Variants in THSD7A observed in about 807,000 individuals in gnomAD.
The protein encoded by THSD7A is thrombospondin type-1 domain-containing protein 7A.
Under a neutral mutation model 231.3 loss-of-function variants are expected in THSD7A, and 96 were observed. The observed-to-expected ratio is 0.41, with a 90% CI of 0.35 to 0.49. The LOEUF (loss-of-function observed/expected upper bound fraction) is 0.49. Ranked by LOEUF, THSD7A falls within the 20% of genes least tolerant of loss-of-function variation. THSD7A has a pLI of 0.05. For missense variants in THSD7A, 2,290 were observed against 2,070.2 expected (o/e 1.11, Z -2.06); for synonymous variants, 940 against 743.3 (o/e 1.26, Z -4.30).
At chr7:11,801,139 A>T (rs1031804997) in intron 1 of THSD7A, among the ~76,000 whole-genome samples, 6 of 151,694 alleles carry the variant, frequency 4.0e-5, no homozygotes, top group Non-Finnish European at 7.4e-5. Context: ...ATTTCAAAAA[A>T]AATTTTTTTT....
chr7:11,476,811 T>C (rs1020283338), intron 7 of THSD7A, among the ~76,000 whole-genome samples: 5 of 134,296 alleles, frequency 3.7e-5, no homozygotes, highest in Admixed American at 7.6e-5. Context: ...AGAGACTCCG[T>C]CTCAGAGAAA....
intron 2 of THSD7A, among the ~76,000 whole-genome samples, chr7:11,610,841 G>A (rs1780898030): frequency 6.6e-6 from 1 of 152,158 alleles, no homozygotes; most frequent in Non-Finnish European, 1.5e-5. Context: ...GCCCATTGTT[G>A]GCTATATTTT....
intron 1 of THSD7A, among the ~76,000 whole-genome samples, chr7:11,642,061 T>C (rs986490186): frequency 6.6e-6 from 1 of 152,212 alleles, no homozygotes; most frequent in African/African-American, 2.4e-5. Flanking sequence ...CCCAATTAAC[T>C]ACCATGTTTC....
At chr7:11,620,685 C>G (rs954951627) in intron 2 of THSD7A, among the ~76,000 whole-genome samples, 14 of 152,268 alleles carry the variant, frequency 9.2e-5, no homozygotes, top group African/African-American at 3.4e-4. Context: ...AGTTCATGGT[C>G]TAGTTAACAA....
intron 1 of THSD7A, among the ~76,000 whole-genome samples, chr7:11,747,007 T>A (rs1232689428): frequency 6.6e-6 from 1 of 151,896 alleles, no homozygotes; most frequent in Non-Finnish European, 1.5e-5. Flanking sequence ...CAAAGTAATA[T>A]GGAATAAAAG....
At chr7:11,696,598 C>G (rs981470862) in intron 1 of THSD7A, among the ~76,000 whole-genome samples, 59 of 151,202 alleles carry the variant, frequency 3.9e-4, no homozygotes, top group African/African-American at 1.3e-3. Flanking sequence ...TCCCCCTCCC[C>G]CCGACAGGCC....
chr7:11,611,557 T>C lies in THSD7A; in HGVS notation c.1023-18055A>G, dbSNP rs1175832124. Among the ~76,000 whole-genome samples, 5 of 151,898 alleles carry C rather than the reference T, an allele frequency of 3.3e-5. 1 individual carries two copies. In the East Asian group the frequency reaches 9.6e-4, roughly 29 times the overall value. Reference sequence around the variant, plus strand: ...TATTAATAATACCTATCATCATTGATTTAATGGTTTGTTAGGCATTAAACA... The same window carrying C: ...TATTAATAATACCTATCATCATTGACTTAATGGTTTGTTAGGCATTAAACA... On this transcript the variant is annotated intron_variant, in intron 2 of 27. Coordinates refer to ENST00000423059, the MANE Select transcript of THSD7A (RefSeq NM_015204.3).
At chr7:11,621,714 T>A (rs1781316328) in intron 2 of THSD7A, among the ~76,000 whole-genome samples, 1 of 152,096 alleles carries the variant, frequency 6.6e-6, no homozygotes. Flanking sequence ...AGTTAGGATA[T>A]AAATTATTAA....
At chr7:11,663,171 G>C (rs1005822704) in intron 1 of THSD7A, among the ~76,000 whole-genome samples, 2 of 150,832 alleles carry the variant, frequency 1.3e-5, no homozygotes, top group African/African-American at 4.8e-5. Context: ...ACTAATATTA[G>C]AAACAAAAAA....
At chr7:11,820,238 G>T (rs1784831748) in intron 1 of THSD7A, 7 of 376,878 alleles carry the variant, frequency 1.9e-5, no homozygotes, top group Non-Finnish European at 1.5e-5. Flanking sequence ...TCTTCTTGAG[G>T]TTCCTCTGTT....
chr7:11,538,846 A>G (rs1789024812), intron 6 of THSD7A, among the ~76,000 whole-genome samples: 1 of 152,158 alleles, frequency 6.6e-6, no homozygotes, highest in African/African-American at 2.4e-5. Context: ...GGGAAATGGA[A>G]AAATGAACAG....
intron 1 of THSD7A, among the ~76,000 whole-genome samples, chr7:11,730,701 T>C (rs1160109787): frequency 6.6e-6 from 1 of 151,662 alleles, no homozygotes; most frequent in East Asian, 1.9e-4. Flanking sequence ...CTTTTATCAT[T>C]GAATCAATGC....
At chr7:11,508,490 T>A (rs568748427) in intron 6 of THSD7A, among the ~76,000 whole-genome samples, 1 of 152,162 alleles carries the variant, frequency 6.6e-6, no homozygotes, top group African/African-American at 2.4e-5. Flanking sequence ...TTGTACATTA[T>A]TGATGAGAAT....
chr7:11,464,570 C>T (rs191561503), intron 9 of THSD7A, among the ~76,000 whole-genome samples: 2 of 152,250 alleles, frequency 1.3e-5, no homozygotes, highest in Admixed American at 1.3e-4. Flanking sequence ...ATTTCTGAAA[C>T]ATTCTCCTAA....
rs1030579476 is a variant in THSD7A, at chr7:11,444,809, ATAAACTATATATATAAT to A, written c.3064+1235_3064+1251del. Among the ~76,000 whole-genome samples, 108 of 140,188 alleles carry A rather than the reference ATAAACTATATATATAAT, an allele frequency of 7.7e-4. No individual in the cohort carries two copies. Among genetic ancestry groups the A allele is most frequent in the Non-Finnish European group, 1.1e-3 (71 of 65,152 alleles). 92.0% of individuals were successfully genotyped at this position (140,188 alleles called of 152,430 possible). ...TGTGTGTGTGTGTGTGTGTGTGTGTATAAACTATATATATAATTAAACTATATATATAATTAAACTAT... is the reference window on the plus strand; with the variant it reads ...TGTGTGTGTGTGTGTGTGTGTGTGTATAAACTATATATATAATTAAACTAT... On this transcript the variant is annotated intron_variant, in intron 13 of 27. Transcript: ENST00000423059. The surrounding 1 kb of genome is among the most constrained non-coding windows in gnomAD (Gnocchi z 4.2).
chr7:11,488,221 T>C (rs1786741298), intron 6 of THSD7A, among the ~76,000 whole-genome samples: 1 of 152,178 alleles, frequency 6.6e-6, no homozygotes, highest in South Asian at 2.1e-4. Flanking sequence ...ATATGTTTTG[T>C]GTTCTTCAGA....
In THSD7A at chr7:11,446,994, C is replaced by T. The variant is rs1394873360; in HGVS notation, c.2800+236G>A. Among the ~76,000 whole-genome samples the T allele has an allele frequency of 1.3e-5, 2 of 152,088 alleles. No individual in the cohort carries two copies. Among genetic ancestry groups the T allele is most frequent in the African/African-American group, 4.8e-5 (2 of 41,428 alleles). On this transcript the variant is annotated intron_variant, in intron 12 of 27. Coordinates refer to ENST00000423059, the MANE Select transcript of THSD7A (RefSeq NM_015204.3). The surrounding 1 kb of genome is among the most constrained non-coding windows in gnomAD (Gnocchi z 4.0). ...AGTCCACTAAAAGATTATGTCTACACCAGAAAATAATCCACTGCATATTAT... is the reference window on the plus strand; with the variant it reads ...AGTCCACTAAAAGATTATGTCTACATCAGAAAATAATCCACTGCATATTAT...
At chr7:11,664,062 T>A (rs965699538) in intron 1 of THSD7A, among the ~76,000 whole-genome samples, 1 of 151,778 alleles carries the variant, frequency 6.6e-6, no homozygotes, top group East Asian at 1.9e-4. Flanking sequence ...ACATTAAGTC[T>A]AGAATCTGAA....
chr7:11,736,072 A>G (rs956947391), intron 1 of THSD7A, among the ~76,000 whole-genome samples: 1 of 151,980 alleles, frequency 6.6e-6, no homozygotes, highest in Non-Finnish European at 1.5e-5. Context: ...TTCCTAATGT[A>G]TACTAGATTT....
Sources: gnomAD v4.1 joint callset for allele counts (sites outside exome capture counted in the v4.1 genomes callset) on GRCh38, gnomAD v4.1.1 for gene constraint, Gnocchi (gnomAD v3.1) non-coding constraint, MANE v1.5 for transcripts, NCBI Gene and HGNC (gene_info 2026-07-23, HGNC 2026-07-21) for gene names.